Variants in TAFA2 observed in about 807,000 individuals in gnomAD.
TAFA2 encodes the protein chemokine-like protein TAFA-2.
Under a neutral mutation model 18.8 loss-of-function variants are expected in TAFA2, and 7 were observed. That is an observed-to-expected ratio of 0.37 (90% CI 0.21 to 0.70). TAFA2 has a LOEUF of 0.70. Among genes scored for constraint, TAFA2 ranks in the 30% least tolerant of loss-of-function variants. TAFA2 has a pLI of 0.53. For missense variants in TAFA2, 122 were observed against 158.1 expected, an observed-to-expected ratio of 0.77 and a Z score of 1.23; for synonymous variants, 60 against 54.2, an observed-to-expected ratio of 1.11 and a Z score of -0.47.
intron 1 of TAFA2, among the ~76,000 whole-genome samples, chr12:62,032,955 G>A (rs1881499649): frequency 6.6e-6 from 1 of 152,006 alleles, no homozygotes. Context: ...TCTACCCTCA[G>A]GGAATTCCAA....
intron 1 of TAFA2, among the ~76,000 whole-genome samples, chr12:62,187,704 G>A (rs1316873681): frequency 6.6e-6 from 1 of 152,064 alleles, no homozygotes; most frequent in African/African-American, 2.4e-5. Context: ...AACAAAATCA[G>A]ACCTTCTAAA....
In TAFA2 at chr12:61,708,348, T is replaced by C. The variant is rs946514650; in HGVS notation, c.*2058A>G. ...AATCTACTGGGGATAATCTAGTTAG[T>C]ATATTTGAAATTCCATGTTTTTTTT... is the stretch of plus-strand genomic sequence containing the variant. On this transcript the variant is annotated 3_prime_UTR_variant, in exon 5 of 5. Transcript: ENST00000416284. The C allele has an allele frequency of 2.6e-5, 4 of 152,156 alleles. No homozygotes were observed. Among genetic ancestry groups the C allele is most frequent in the Non-Finnish European group, 4.4e-5 (3 of 67,996 alleles). The allele number at this position is 152,156 out of a possible 1,614,324, so 9.4% of individuals were successfully genotyped here. A position where few individuals can be genotyped will look rare whatever the true frequency, so the allele number is the denominator to read the frequency against.
chr12:61,838,212 A>G (rs1873017572), intron 2 of TAFA2, among the ~76,000 whole-genome samples: 1 of 151,986 alleles, frequency 6.6e-6, no homozygotes, highest in Non-Finnish European at 1.5e-5. Context: ...TCAGAGAGGC[A>G]TGGAGATAAA....
At chr12:62,060,912 C>T (rs1256295607) in intron 1 of TAFA2, among the ~76,000 whole-genome samples, 2 of 150,874 alleles carry the variant, frequency 1.3e-5, no homozygotes, top group African/African-American at 4.9e-5. Context: ...ACTATGTATG[C>T]ATAAAAATTA....
intron 1 of TAFA2, among the ~76,000 whole-genome samples, chr12:62,013,041 C>T (rs372602124): frequency 6.6e-6 from 1 of 152,088 alleles, no homozygotes; most frequent in Non-Finnish European, 1.5e-5. Context: ...ACAAAGATTA[C>T]AAGGGGAGCA....
At chr12:61,732,548 A>C (rs1478852967) in intron 4 of TAFA2, among the ~76,000 whole-genome samples, 6 of 152,024 alleles carry the variant, frequency 3.9e-5, no homozygotes, top group Non-Finnish European at 8.8e-5. Flanking sequence ...ATTGAAACTG[A>C]ATAGAGGTTG....
At chr12:61,820,436 G>A (rs1296555527) in intron 2 of TAFA2, among the ~76,000 whole-genome samples, 3 of 151,762 alleles carry the variant, frequency 2.0e-5, no homozygotes, top group African/African-American at 4.8e-5. Context: ...AGTGTGGTAC[G>A]TATGTAACTA....
chr12:61,890,985 T>C (rs537736877), intron 1 of TAFA2, among the ~76,000 whole-genome samples: 2 of 152,340 alleles, frequency 1.3e-5, no homozygotes, highest in East Asian at 1.9e-4. Context: ...GTAGCACAGA[T>C]CTGTTTTAGA....
intron 1 of TAFA2, among the ~76,000 whole-genome samples, chr12:62,004,644 T>C (rs1036230150): frequency 1.3e-5 from 2 of 152,050 alleles, no homozygotes; most frequent in African/African-American, 2.4e-5. Flanking sequence ...GGGCAAGATA[T>C]AGAACTACTA....
chr12:62,233,314 C>T (rs2062821368), intron 1 of TAFA2, among the ~76,000 whole-genome samples: 2 of 151,900 alleles, frequency 1.3e-5, no homozygotes, highest in Non-Finnish European at 2.9e-5. Context: ...CTTCTAACCT[C>T]AAGTGATCTG....
At chr12:62,120,827 TTTA>T (rs547895505) in intron 1 of TAFA2, among the ~76,000 whole-genome samples, 48 of 150,966 alleles carry the variant, frequency 3.2e-4, no homozygotes, top group African/African-American at 9.9e-4. Flanking sequence ...TTATGGTTTC[TTTA>T]TTATTATTAT....
At chr12:62,155,018 G>A (rs1281018662) in intron 1 of TAFA2, among the ~76,000 whole-genome samples, 3 of 152,104 alleles carry the variant, frequency 2.0e-5, no homozygotes, top group Admixed American at 6.6e-5. Flanking sequence ...CCTGTTTGCA[G>A]ACAATGTGGT....
At chr12:62,085,307 A>G (rs372305678) in intron 1 of TAFA2, among the ~76,000 whole-genome samples, 3 of 152,130 alleles carry the variant, frequency 2.0e-5, no homozygotes, top group African/African-American at 7.2e-5. Flanking sequence ...ACTGTTTTCA[A>G]TGTTATATTT....
chr12:61,775,456 A>T (rs1229369439), intron 2 of TAFA2, among the ~76,000 whole-genome samples: 4 of 151,874 alleles, frequency 2.6e-5, no homozygotes, highest in East Asian at 3.9e-4. Context: ...ATGGAATATT[A>T]TTCAAGCTAA....
At chr12:62,234,271 A>T (rs1256114362) in intron 1 of TAFA2, 1 of 379,044 alleles carries the variant, frequency 2.6e-6, no homozygotes, top group African/African-American at 2.1e-5. Flanking sequence ...TGGTGCTCTC[A>T]GTATTGTAGG....
chr12:61,986,268 G>T (rs1424297843), intron 1 of TAFA2, among the ~76,000 whole-genome samples: 2 of 142,286 alleles, frequency 1.4e-5, no homozygotes, highest in Non-Finnish European at 3.0e-5. Flanking sequence ...AGGTTCAAGT[G>T]ATTCTCCTGC....
intron 1 of TAFA2, among the ~76,000 whole-genome samples, chr12:61,965,407 G>A (rs541643611): frequency 5.9e-5 from 9 of 151,982 alleles, no homozygotes; most frequent in South Asian, 2.1e-4. Flanking sequence ...ACCCAGCCAC[G>A]ATATTTTGTT....
intron 1 of TAFA2, among the ~76,000 whole-genome samples, chr12:61,921,067 A>T (rs890803353): frequency 6.6e-6 from 1 of 152,234 alleles, no homozygotes; most frequent in Non-Finnish European, 1.5e-5. Flanking sequence ...GGGAACCAAC[A>T]TCAGAAAGAA....
chr12:61,801,292 CA>C (rs1202865423), intron 2 of TAFA2, among the ~76,000 whole-genome samples: 2 of 151,974 alleles, frequency 1.3e-5, no homozygotes, highest in Non-Finnish European at 2.9e-5. Context: ...TATGGAACCA[CA>C]AAAGAGACCA....
Sources: gnomAD v4.1 joint callset for allele counts (sites outside exome capture counted in the v4.1 genomes callset) on GRCh38, gnomAD v4.1.1 for gene constraint, MANE v1.5 for transcripts, NCBI Gene and HGNC (gene_info 2026-07-23, HGNC 2026-07-21) for gene names.